Variants in ZFHX2 observed in about 807,000 individuals in gnomAD.
The protein encoded by ZFHX2 is zinc finger homeobox protein 2.
ZFHX2 carries 75 observed loss-of-function variants against 164.8 expected under a neutral mutation model. The ratio of observed to expected loss-of-function variants is 0.46; its 90% CI spans 0.38 to 0.55. The LOEUF is 0.55. Among genes scored for constraint, ZFHX2 ranks in the 20% least tolerant of loss-of-function variants. The pLI is 0.00. For synonymous variants in ZFHX2, 1,217 were observed against 1,351.4 expected (o/e 0.90, Z 2.18); for missense variants, 2,933 against 3,308.0 (o/e 0.89, Z 2.78).
Position 23,521,867 on chromosome 14 carries a change from G to T in ZFHX2, c.*95C>A. On this transcript the variant is annotated 3_prime_UTR_variant, in exon 10 of 10. Coordinates refer to ENST00000419474, the MANE Select transcript of ZFHX2 (RefSeq NM_033400.3). ...TTCCTGTGAGGTGGGCGGGGCCAGGGGGTGGGGTGAGGGATTTGAGCTCCC... is the reference window on the plus strand; with the variant it reads ...TTCCTGTGAGGTGGGCGGGGCCAGGTGGTGGGGTGAGGGATTTGAGCTCCC... 6.7e-7 allele frequency: 1 copy of T among 1,499,336 alleles called. No individual in the cohort carries two copies. Among genetic ancestry groups the T allele is most frequent in the African/African-American group, 1.4e-5 (1 of 72,340 alleles). The allele number at this position is 1,499,336 out of a possible 1,614,324, so 92.9% of individuals were successfully genotyped here.
At position 23,551,283 on chromosome 14, in the gene ZFHX2, A is replaced by G. The variant is rs1360317735; in HGVS notation, c.-50+60T>C. 6.6e-6 allele frequency: 1 copy of G among 152,440 alleles called. No individual in the cohort carries two copies. Among genetic ancestry groups the G allele is most frequent in the African/African-American group, 2.4e-5 (1 of 41,312 alleles). 9.4% of individuals were successfully genotyped at this position (152,440 alleles called of 1,614,324 possible). A position where few individuals can be genotyped will look rare whatever the true frequency, so the allele number is the denominator to read the frequency against. On this transcript the variant is annotated intron_variant, in intron 1 of 9. Coordinates refer to ENST00000419474, the MANE Select transcript of ZFHX2 (RefSeq NM_033400.3). This position sits in a 1 kb window ranked among gnomAD's most constrained non-coding sequence, Gnocchi z 5.3. ...CTTCCAAAGAGCAAGGAAGGGAAGA[A>G]GAGAGAGAGGGAGAGGAGAAAAAAA...
intron 1 of ZFHX2, among the ~76,000 whole-genome samples, chr14:23,538,525 A>T (rs1880442357): frequency 6.6e-6 from 1 of 151,768 alleles, no homozygotes; most frequent in Non-Finnish European, 1.5e-5. Context: ...GCAGAAACGG[A>T]CAGGCCTAAG....
chr14:23,531,925 CG>C, intron 3 of ZFHX2: 1 of 557,978 alleles, frequency 1.8e-6, no homozygotes, highest in Non-Finnish European at 2.6e-6. Flanking sequence ...TACAGGCATG[CG>C]CACCACACCT....
In ZFHX2 at chr14:23,535,142, C is replaced by T; in HGVS notation, c.184G>A (p.Glu62Lys). 6.5e-7 allele frequency: 1 copy of T among 1,536,086 alleles called. No homozygotes were observed. The highest frequency in any genetic ancestry group is 8.7e-7 in the Non-Finnish European group (1 of 1,146,812). ...GGTGGGACGAGGCCACAGCCCGACTCCAGGAGCTGTCCCCCTGGCTCTGAG... is the reference window on the plus strand; with the variant it reads ...GGTGGGACGAGGCCACAGCCCGACTTCAGGAGCTGTCCCCCTGGCTCTGAG... ...RSSEPGGQLL[E>K]SGCGLVPPKE... Residue 62 changes from glutamate (E) to lysine (K), a missense_variant, in exon 2 of 10, where the codon GAG becomes AAG. Glu to Lys is a moderately conservative substitution (Grantham distance 56). Coordinates refer to ENST00000419474, the MANE Select transcript of ZFHX2 (RefSeq NM_033400.3). The surrounding 1 kb of genome is among the most constrained non-coding windows in gnomAD (Gnocchi z 4.5).
Position 23,526,279 on chromosome 14 carries a change from C to G in ZFHX2, c.3663G>C (p.Lys1221Asn), listed in dbSNP as rs1036987654. ...CAGGGGCAGAGGGGTCAATGGCAGC[C>G]TTCTTCATCTTGTGAAGGTGGGAGA... ...NSVSHLHKMK[K>N]AAIDPSAPAR... is the part of the protein sequence containing the mutation. Residue 1221 changes from lysine (K) to asparagine (N), a missense_variant, in exon 9 of 10, where the codon AAG becomes AAC. Transcript: ENST00000419474. The G allele has an allele frequency of 2.0e-6, 3 of 1,536,182 alleles. No homozygotes were observed. Among genetic ancestry groups the G allele is most frequent in the African/African-American group, 2.7e-5 (2 of 73,022 alleles).
chr14:23,544,657 T>C (rs1194050849), intron 1 of ZFHX2, among the ~76,000 whole-genome samples: 1 of 152,170 alleles, frequency 6.6e-6, no homozygotes, highest in Non-Finnish European at 1.5e-5. Context: ...CGGGCGTGTT[T>C]AGGGTGGTGG....
In ZFHX2 at chr14:23,525,414, C is replaced by T. The variant is rs1481494726; in HGVS notation, c.4528G>A (p.Glu1510Lys). Reference protein sequence around the residue: ...EHVHRRFLPFEALSRYAAQFR... With the variant: ...EHVHRRFLPFKALSRYAAQFR... ...TGAGCAGCATAACGGCTCAGGGCTT[C>T]AAAGGGCAGAAAGCGGCGGTGGACA... The change falls in exon 9 of 10, where the codon GAA becomes AAA. Residue 1510 changes from glutamate (E) to lysine (K), a missense_variant. Transcript: ENST00000419474. The surrounding 1 kb of genome is among the most constrained non-coding windows in gnomAD (Gnocchi z 5.9). 3.9e-6 allele frequency: 6 copies of T among 1,536,144 alleles called. No homozygotes were observed. In the Admixed American group the frequency reaches 9.8e-5, roughly 25 times the overall value.
At chr14:23,549,824 C>T (rs1881781542) in intron 1 of ZFHX2, among the ~76,000 whole-genome samples, 1 of 152,188 alleles carries the variant, frequency 6.6e-6, no homozygotes, top group Non-Finnish European at 1.5e-5. Flanking sequence ...CCATACCCCA[C>T]ACCTCTCCCA....
intron 1 of ZFHX2, chr14:23,542,288 A>C (rs997723775): frequency 6.6e-6 from 1 of 152,460 alleles, no homozygotes; most frequent in Non-Finnish European, 1.5e-5. Flanking sequence ...AGGTGTGAGG[A>C]GAAAAGGGTA....
intron 6 of ZFHX2, 170 bp downstream of exon 6, chr14:23,529,540 C>G (rs984621318): frequency 5.8e-5 from 39 of 673,724 alleles, no homozygotes; most frequent in Non-Finnish European, 9.7e-5. Flanking sequence ...CAGCTCTGCC[C>G]CCGAAAGTGC....
chr14:23,534,648 C>T lies in ZFHX2; in HGVS notation c.678G>A (p.Gly226=), dbSNP rs1406854888. The stretch of plus-strand genomic sequence containing the variant: ...CCGCCACGTGGTTGCCCCCGCTGTT[C>T]CCCATGGGGCCATCTTTGGGATCTC... ...PPGDPKDGPM[G]NSGGNHVAVF... The change falls in exon 2 of 10, where the codon GGG becomes GGA. Residue 226 remains glycine, a synonymous_variant. Coordinates refer to ENST00000419474, the MANE Select transcript of ZFHX2 (RefSeq NM_033400.3). This position sits in a 1 kb window ranked among gnomAD's most constrained non-coding sequence, Gnocchi z 4.5. 2 of 1,536,198 alleles carry T rather than the reference C, an allele frequency of 1.3e-6. No homozygotes were observed. Among genetic ancestry groups the T allele is most frequent in the Non-Finnish European group, 1.7e-6 (2 of 1,146,924 alleles).
At position 23,523,508 on chromosome 14, in the gene ZFHX2, C is replaced by T. The variant is rs867863287; in HGVS notation, c.6434G>A (p.Arg2145His). The part of the protein sequence containing the change: ...GSSEGLLAAQ[R>H]TDCPYCDVKY... ...GACATCACAATAGGGGCAGTCAGTGCGCTGGGCTGCTAAGAGGCCCTCACT... is the reference window on the plus strand; with the variant it reads ...GACATCACAATAGGGGCAGTCAGTGTGCTGGGCTGCTAAGAGGCCCTCACT... The change falls in exon 9 of 10, where the codon CGC becomes CAC. Residue 2145 changes from arginine to histidine, a missense_variant. Physicochemically the swap from Arg to His is conservative, Grantham distance 29. Coordinates refer to ENST00000419474, the MANE Select transcript of ZFHX2 (RefSeq NM_033400.3). This position sits in a 1 kb window ranked among gnomAD's most constrained non-coding sequence, Gnocchi z 4.1. 37 of 1,536,270 alleles carry T rather than the reference C, an allele frequency of 2.4e-5. No homozygotes were observed. The highest frequency in any genetic ancestry group is 2.0e-4 in the East Asian group (8 of 40,934).
Position 23,531,669 on chromosome 14 carries a change from T to G in ZFHX2, c.2612A>C (p.His871Pro), listed in dbSNP as rs1297867563. The change falls in exon 4 of 10, where the codon CAC becomes CCC. Residue 871 changes from histidine (H) to proline (P), a missense_variant. Transcript: ENST00000419474. Reference sequence around the variant, plus strand: ...TGTCTCCCACGCACACAACAGGCAGTGGTATAGCCCCAGCTCTGCCCCTGC... The same window carrying G: ...TGTCTCCCACGCACACAACAGGCAGGGGTATAGCCCCAGCTCTGCCCCTGC... ...AEAGAELGLY[H>P]CLLCAWETPS... 1 of 1,480,632 alleles carries G rather than the reference T, an allele frequency of 6.8e-7. No homozygotes were observed. Among genetic ancestry groups the G allele is most frequent in the South Asian group, 1.3e-5 (1 of 75,092 alleles). 91.7% of individuals were successfully genotyped at this position (1,480,632 alleles called of 1,614,324 possible). A position where few individuals can be genotyped will look rare whatever the true frequency, so the allele number is the denominator to read the frequency against.
chr14:23,534,649 C>T lies in ZFHX2; in HGVS notation c.677G>A (p.Gly226Glu), dbSNP rs1879958403. Reference sequence around the variant, plus strand: ...CGCCACGTGGTTGCCCCCGCTGTTCCCCATGGGGCCATCTTTGGGATCTCC... The same window carrying T: ...CGCCACGTGGTTGCCCCCGCTGTTCTCCATGGGGCCATCTTTGGGATCTCC... ...PPGDPKDGPM[G>E]NSGGNHVAVF... The change falls in exon 2 of 10, where the codon GGG becomes GAG. Residue 226 changes from glycine (G) to glutamate (E), a missense_variant. Coordinates refer to ENST00000419474, the MANE Select transcript of ZFHX2 (RefSeq NM_033400.3). This position sits in a 1 kb window ranked among gnomAD's most constrained non-coding sequence, Gnocchi z 4.5. 1 of 1,536,086 alleles carries T rather than the reference C, an allele frequency of 6.5e-7. No individual in the cohort carries two copies. The highest frequency in any genetic ancestry group is 2.4e-5 in the East Asian group (1 of 40,926).
Position 23,550,794 on chromosome 14 carries a change from C to T in ZFHX2, c.-50+549G>A, listed in dbSNP as rs376023427. 7.4e-4 allele frequency among the ~76,000 whole-genome samples: 112 copies of T among 152,276 alleles called. 1 individual carries two copies. The highest frequency in any genetic ancestry group is 2.6e-3 in the African/African-American group (107 of 41,550). On this transcript the variant is annotated intron_variant, in intron 1 of 9. Transcript: ENST00000419474. ...TGGAAAGCCCAACTTCAGCCAAAAA[C>T]GAACGAAGACTGAGAGTATCCACGT... is the stretch of plus-strand genomic sequence containing the variant.
chr14:23,545,471 C>G (rs1271669205), intron 1 of ZFHX2, among the ~76,000 whole-genome samples: 1 of 152,210 alleles, frequency 6.6e-6, no homozygotes, highest in Non-Finnish European at 1.5e-5. Flanking sequence ...TCTCTGTGCT[C>G]TCTCCCATCT....
rs1268229543 is a variant in ZFHX2 at position 23,524,643 on chromosome 14, G to C, written c.5299C>G (p.Pro1767Ala). Residue 1767 changes from proline to alanine, a missense_variant, in exon 9 of 10, where the codon CCA (proline) becomes GCA (alanine). Transcript: ENST00000419474. The surrounding 1 kb of genome is among the most constrained non-coding windows in gnomAD (Gnocchi z 5.6). ...PEEKATPSPS[P>A]AHTCDQCAIS... ...GCACACTGGTCACAGGTATGGGCTGGGGAAGGTGATGGAGTAGCCTTCTCT... is the reference window on the plus strand; with the variant it reads ...GCACACTGGTCACAGGTATGGGCTGCGGAAGGTGATGGAGTAGCCTTCTCT... 2 of 1,536,282 alleles carry C rather than the reference G, an allele frequency of 1.3e-6. No individual in the cohort carries two copies. Among genetic ancestry groups the C allele is most frequent in the Admixed American group, 3.9e-5 (2 of 50,986 alleles).
chr14:23,524,466 G>A lies in ZFHX2; in HGVS notation c.5476C>T (p.Pro1826Ser). ...TGCTTCCGTTTGAGAGGTGGACCTG[G>A]CATTGGTGAGGTGGCTGCCACCAGG... ...NPLVAATSPM[P>S]GPPLKRKHED... is the part of the protein sequence containing the mutation. The change falls in exon 9 of 10, where the codon CCA becomes TCA. Residue 1826 changes from proline to serine, a missense_variant. Coordinates refer to ENST00000419474, the MANE Select transcript of ZFHX2 (RefSeq NM_033400.3). The surrounding 1 kb of genome is among the most constrained non-coding windows in gnomAD (Gnocchi z 5.6). 1 of 1,534,416 alleles carries A rather than the reference G, an allele frequency of 6.5e-7. No homozygotes were observed. The highest frequency in any genetic ancestry group is 1.2e-5 in the South Asian group (1 of 83,850).
Position 23,521,870 on chromosome 14 carries a change from T to C in ZFHX2, c.*92A>G. On this transcript the variant is annotated 3_prime_UTR_variant, in exon 10 of 10. Transcript: ENST00000419474. Reference sequence around the variant, plus strand: ...CTGTGAGGTGGGCGGGGCCAGGGGGTGGGGTGAGGGATTTGAGCTCCCACC... The same window carrying C: ...CTGTGAGGTGGGCGGGGCCAGGGGGCGGGGTGAGGGATTTGAGCTCCCACC... 1.3e-6 allele frequency: 2 copies of C among 1,497,006 alleles called. No individual in the cohort carries two copies. Among genetic ancestry groups the C allele is most frequent in the Non-Finnish European group, 1.8e-6 (2 of 1,128,666 alleles). The allele number at this position is 1,497,006 out of a possible 1,614,324, so 92.7% of individuals were successfully genotyped here. A position where few individuals can be genotyped will look rare whatever the true frequency, so the allele number is the denominator to read the frequency against.
Sources: gnomAD v4.1 joint callset for allele counts (sites outside exome capture counted in the v4.1 genomes callset) on GRCh38, gnomAD v4.1.1 for gene constraint, Gnocchi (gnomAD v3.1) non-coding constraint, MANE v1.5 for transcripts, NCBI Gene and HGNC (gene_info 2026-07-23, HGNC 2026-07-21) for gene names.